DAB1: variants seen among roughly 807,000 people sequenced by gnomAD.
DAB1 encodes the protein disabled homolog 1.
Under a neutral mutation model 64.6 loss-of-function variants are expected in DAB1, and 15 were observed. The ratio of observed to expected loss-of-function variants is 0.23; its 90% CI spans 0.16 to 0.36. The LOEUF is 0.36. Among genes scored for constraint, DAB1 ranks in the 10% least tolerant of loss-of-function variants. The pLI is 1.00. For missense variants in DAB1, 596 were observed against 706.7 expected, an observed-to-expected ratio of 0.84 and a Z score of 1.78; for synonymous variants, 235 against 251.9, an observed-to-expected ratio of 0.93 and a Z score of 0.64.
At chr1:57,186,769 C>T (rs1287668377) in intron 2 of DAB1, among the ~76,000 whole-genome samples, 1 of 152,160 alleles carries the variant, frequency 6.6e-6, no homozygotes, top group Non-Finnish European at 1.5e-5. Flanking sequence ...GAATAAGACA[C>T]TTTGTATTCC....
intron 1 of DAB1, among the ~76,000 whole-genome samples, chr1:57,345,709 T>C (rs1004732695): frequency 1.3e-5 from 2 of 152,226 alleles, no homozygotes; most frequent in African/African-American, 4.8e-5. Context: ...ACTTGGAGCC[T>C]TCATAACATC....
chr1:58,533,968 T>C (rs145392394), intron 1 of DAB1: 10 of 872,376 alleles, frequency 1.1e-5, no homozygotes, highest in Admixed American at 5.1e-5. Flanking sequence ...GCCCAAGTAC[T>C]GCATGTGCTA....
intron 7 of DAB1, among the ~76,000 whole-genome samples, chr1:57,567,574 CAA>C (rs1371418286): frequency 1.3e-5 from 2 of 152,220 alleles, no homozygotes; most frequent in Non-Finnish European, 2.9e-5. Context: ...GCAACTTCAG[CAA>C]AGTCTCAGGA....
upstream of DAB1, among the ~76,000 whole-genome samples, chr1:57,888,015 A>G (rs1035311018): frequency 6.6e-5 from 10 of 152,216 alleles, no homozygotes; most frequent in African/African-American, 2.4e-4. Context: ...AAATAGGAAA[A>G]GAAACCAACT....
intron 5 of DAB1, among the ~76,000 whole-genome samples, chr1:57,958,269 T>G (rs1372907368): frequency 6.6e-6 from 1 of 152,144 alleles, no homozygotes; most frequent in Non-Finnish European, 1.5e-5. Context: ...TGAGCCACCG[T>G]ACCCAGCCTG....
intron 3 of DAB1, among the ~76,000 whole-genome samples, chr1:58,355,939 T>C (rs1161134561): frequency 6.6e-6 from 1 of 152,208 alleles, no homozygotes; most frequent in East Asian, 1.9e-4. Context: ...CTAATCTCTG[T>C]GAGAAATTCT....
chr1:57,855,418 C>A (rs1653709344), intron 1 of DAB1, among the ~76,000 whole-genome samples: 2 of 152,092 alleles, frequency 1.3e-5, no homozygotes, highest in South Asian at 4.1e-4. Flanking sequence ...TCATTTCATA[C>A]ACAAATTAAT....
intron 9 of DAB1, among the ~76,000 whole-genome samples, chr1:57,047,491 C>G (rs949871755): frequency 6.6e-6 from 1 of 151,148 alleles, no homozygotes; most frequent in African/African-American, 2.4e-5. Flanking sequence ...CTCTTCCTCT[C>G]TCTGTTCCCA....
At chr1:58,432,335 T>C (rs1000712841) in intron 3 of DAB1, among the ~76,000 whole-genome samples, 12 of 152,214 alleles carry the variant, frequency 7.9e-5, no homozygotes, top group Admixed American at 5.9e-4. Flanking sequence ...ACTTGTTACA[T>C]CTGCCTTCTC....
intron 1 of DAB1, among the ~76,000 whole-genome samples, chr1:57,421,973 T>C (rs1684945439): frequency 6.9e-6 from 1 of 145,174 alleles, no homozygotes; most frequent in Non-Finnish European, 1.5e-5. Flanking sequence ...TCTTAGTGCC[T>C]GCGCAGTTCC....
intron 7 of DAB1, among the ~76,000 whole-genome samples, chr1:57,467,092 C>T (rs931865278): frequency 3.9e-5 from 6 of 152,110 alleles, no homozygotes; most frequent in Non-Finnish European, 5.9e-5. Context: ...AAGAATCAGT[C>T]GTAGAATTCT....
In DAB1 at chr1:57,126,959, G is replaced by A. The variant is rs1657179849; in HGVS notation, c.306+9584C>T. Among the ~76,000 whole-genome samples the A allele has an allele frequency of 2.0e-5, 3 of 152,226 alleles. 1 individual carries two copies. The South Asian group carries it at 6.2e-4, about 32-fold the overall frequency. ...TTCTATGACACCACGTTCCTTTACT[G>A]TAACCAGAACTATGATTGCTTCTCC... On this transcript the variant is annotated intron_variant, in intron 4 of 14. Transcript: ENST00000371236.
intron 3 of DAB1, among the ~76,000 whole-genome samples, chr1:58,459,925 C>A (rs143488328): frequency 1.1e-3 from 160 of 152,294 alleles, no homozygotes; most frequent in African/African-American, 3.6e-3. Flanking sequence ...TAGCAGTGAG[C>A]TGAGATCATG....
intron 3 of DAB1, among the ~76,000 whole-genome samples, chr1:58,489,252 C>A (rs1445070287): frequency 3.3e-5 from 5 of 152,148 alleles, no homozygotes; most frequent in African/African-American, 4.8e-5. Flanking sequence ...CCTAATACTG[C>A]AATTTTCCGA....
Position 58,313,856 on chromosome 1 carries a change from T to TGAGA in DAB1, n.309+29492_309+29495dup, listed in dbSNP as rs3055509. Among the ~76,000 whole-genome samples, 437 of 112,126 alleles carry TGAGA rather than the reference T, an allele frequency of 3.9e-3. 2 individuals carry two copies. Among genetic ancestry groups the TGAGA allele is most frequent in the East Asian group, 7.6e-3 (29 of 3,814 alleles). 73.6% of individuals were successfully genotyped at this position (112,126 alleles called of 152,430 possible). A position where few individuals can be genotyped will look rare whatever the true frequency, so the allele number is the denominator to read the frequency against. ...GTGTGTGTGTGTGTGTGTGTGTGTG[T>TGAGA]GAGAGAGAGAGAGAGAGAGAGAGAT... On this transcript the variant is annotated intron_variant and non_coding_transcript_variant, in intron 4 of 20. Coordinates refer to the DAB1 transcript ENST00000485760.
chr1:57,698,262 ATT>A (rs71051246), intron 6 of DAB1, among the ~76,000 whole-genome samples: 3 of 138,918 alleles, frequency 2.2e-5, no homozygotes, highest in African/African-American at 2.7e-5. Context: ...ACTTTTAAAC[ATT>A]TTTTTTTTTT....
intron 1 of DAB1, chr1:57,878,218 ATTGT>A (rs1644084860): frequency 6.6e-6 from 1 of 152,166 alleles, no homozygotes. Flanking sequence ...GGAAATTTTG[ATTGT>A]TTGCCTTTTG....
chr1:57,386,124 G>A (rs1418401906), intron 1 of DAB1, among the ~76,000 whole-genome samples: 2 of 152,136 alleles, frequency 1.3e-5, no homozygotes, highest in East Asian at 3.9e-4. Context: ...GGTTAGGTGA[G>A]TTAAGGGAAG....
intron 4 of DAB1, among the ~76,000 whole-genome samples, chr1:58,266,863 C>G (rs1661175787): frequency 6.6e-6 from 1 of 152,184 alleles, no homozygotes; most frequent in South Asian, 2.1e-4. Flanking sequence ...GTAGTCCGTA[C>G]TCTTACTGTA....
Sources: gnomAD v4.1 joint callset for allele counts (sites outside exome capture counted in the v4.1 genomes callset) on GRCh38, gnomAD v4.1.1 for gene constraint, MANE v1.5 for transcripts, NCBI Gene and HGNC (gene_info 2026-07-23, HGNC 2026-07-21) for gene names.